Variants in MITF observed in about 807,000 individuals in gnomAD.
MITF encodes melanocyte inducing transcription factor.
MITF carries 17 observed loss-of-function variants against 60.5 expected under a neutral mutation model. The ratio of observed to expected loss-of-function variants is 0.28; its 90% confidence interval spans 0.19 to 0.42. MITF has a LOEUF of 0.42. MITF is among the 10% of genes least tolerant of loss of function. The pLI is 1.00. For missense variants in MITF, 622 were observed against 683.5 expected (o/e 0.91, Z 1.00); for synonymous variants, 260 against 248.5 (o/e 1.05, Z -0.43).
At chr3:69,745,460 G>A (rs1371934299) in intron 1 of MITF, among the ~76,000 whole-genome samples, 1 of 152,192 alleles carries the variant, frequency 6.6e-6, no homozygotes, top group Admixed American at 6.5e-5. Context: ...ACAGAGGAAG[G>A]GGAACTGGGG....
rs558671779 is a variant in MITF at position 69,771,237 on chromosome 3, G to A, written c.104+31536G>A. ...ACTTAAACCAACTGAAAGTTACTCCGTTTAAACATGGGTTTTTTTTTTTTT... is the reference window on the plus strand; with the variant it reads ...ACTTAAACCAACTGAAAGTTACTCCATTTAAACATGGGTTTTTTTTTTTTT... On this transcript the variant is annotated intron_variant, in intron 1 of 9. Transcript: ENST00000352241. Among the ~76,000 whole-genome samples the A allele has an allele frequency of 6.7e-5, 9 of 135,146 alleles. No homozygotes were observed. In the South Asian group the frequency reaches 6.9e-4, roughly 10 times the overall value. The allele number at this position is 135,146 out of a possible 152,430, so 88.7% of individuals were successfully genotyped here.
chr3:69,937,773 A>G lies in MITF; in HGVS notation c.355-49A>G, dbSNP rs753746748. On this transcript the variant is annotated intron_variant, in intron 2 of 9. Coordinates refer to ENST00000352241, the MANE Select transcript of MITF (RefSeq NM_001354604.2). ...GTGCCTGAAGGAAGAGCCGTCTGAA[A>G]CTCACAAATAACAGCGCTGTTTTCT... 5 of 1,515,904 alleles carry G rather than the reference A, an allele frequency of 3.3e-6. No homozygotes were observed. The Admixed American group carries it at 8.5e-5, about 26-fold the overall frequency. 93.9% of individuals were successfully genotyped at this position (1,515,904 alleles called of 1,614,324 possible). A position where few individuals can be genotyped will look rare whatever the true frequency, so the allele number is the denominator to read the frequency against.
At chr3:69,763,215 A>G (rs2106808461) in intron 1 of MITF, among the ~76,000 whole-genome samples, 1 of 152,334 alleles carries the variant, frequency 6.6e-6, no homozygotes, top group East Asian at 1.9e-4. Flanking sequence ...TTAAGTAGTA[A>G]TTGATGACAT....
intron 2 of MITF, among the ~76,000 whole-genome samples, chr3:69,899,782 G>C (rs1387336235): frequency 6.6e-6 from 1 of 152,060 alleles, no homozygotes; most frequent in African/African-American, 2.4e-5. Flanking sequence ...ATAACTTCAG[G>C]AGACATGAAT....
intron 9 of MITF, among the ~76,000 whole-genome samples, chr3:69,961,865 A>T (rs2066558266): frequency 2.6e-5 from 4 of 152,384 alleles, no homozygotes; most frequent in African/African-American, 2.4e-5. Context: ...ATGAAATACG[A>T]ATATTGTGAA....
At chr3:69,933,330 A>AG (rs1308868667) in intron 2 of MITF, among the ~76,000 whole-genome samples, 1 of 152,122 alleles carries the variant, frequency 6.6e-6, no homozygotes, top group Non-Finnish European at 1.5e-5. Context: ...TCCCCAGTAA[A>AG]TTCTGTTGTC....
chr3:69,759,288 C>T (rs2062176574), intron 1 of MITF, among the ~76,000 whole-genome samples: 1 of 152,164 alleles, frequency 6.6e-6, no homozygotes, highest in Non-Finnish European at 1.5e-5. Context: ...GACTTAGGAA[C>T]ACTAGACAGC....
chr3:69,779,087 G>A (rs2062522063), intron 1 of MITF: 1 of 152,176 alleles, frequency 6.6e-6, no homozygotes, highest in Non-Finnish European at 1.5e-5. Context: ...TTTGTCCTTT[G>A]CTGCAGTTTA....
chr3:69,831,978 C>T (rs9876482), intron 1 of MITF, among the ~76,000 whole-genome samples: 76,073 of 151,950 alleles, frequency 0.5, 20,758 homozygotes, highest in Non-Finnish European at 0.63. Flanking sequence ...GCCAGTCTCC[C>T]GGAGCCGGTG....
At chr3:69,841,558 G>A (rs2063637006) in intron 1 of MITF, among the ~76,000 whole-genome samples, 1 of 152,218 alleles carries the variant, frequency 6.6e-6, no homozygotes, top group Non-Finnish European at 1.5e-5. Flanking sequence ...GGTTGCAGCT[G>A]TGCCAAATTT....
chr3:69,776,340 TA>T (rs2062472521), intron 1 of MITF, among the ~76,000 whole-genome samples: 2 of 152,200 alleles, frequency 1.3e-5, no homozygotes, highest in Admixed American at 1.3e-4. Flanking sequence ...AGGTAGGGGA[TA>T]GTACACTACA....
chr3:69,755,509 A>G lies in MITF; in HGVS notation c.104+15808A>G, dbSNP rs1340134028. Among the ~76,000 whole-genome samples the G allele has an allele frequency of 5.1e-5, 6 of 118,594 alleles. 1 individual carries two copies. The allele number at this position is 118,594 out of a possible 152,430, so 77.8% of individuals were successfully genotyped here. On this transcript the variant is annotated intron_variant, in intron 1 of 9. Transcript: ENST00000352241. ...ATATAGCCACTTTAGAGACTAGGAT[A>G]TAAGTTTTCAAGGGTTTTTTCTTTC...
intron 2 of MITF, among the ~76,000 whole-genome samples, chr3:69,916,514 C>T (rs908501857): frequency 1.3e-5 from 2 of 151,978 alleles, no homozygotes; most frequent in Non-Finnish European, 2.9e-5. Flanking sequence ...TTTACAAGTT[C>T]GGAATTGAGT....
At chr3:69,792,998 CTTTTTTTTTTTTT>C (rs58440406) in intron 1 of MITF, among the ~76,000 whole-genome samples, 85 of 31,104 alleles carry the variant, frequency 2.7e-3, no homozygotes, top group East Asian at 0.015. Context: ...AAGTCTTTAG[CTTTTTTTTTTTTT>C]TTTTTTTTTT....
At chr3:69,938,400 G>T (rs1453132236) in intron 3 of MITF, 2 of 1,554,902 alleles carry the variant, frequency 1.3e-6, no homozygotes, top group Non-Finnish European at 1.7e-6. Context: ...AGGTGGAAAA[G>T]GAAAAGCAAA....
intron 1 of MITF, among the ~76,000 whole-genome samples, chr3:69,787,001 G>A (rs2062660527): frequency 6.6e-6 from 1 of 152,130 alleles, no homozygotes; most frequent in African/African-American, 2.4e-5. Context: ...TTAGAGTGTT[G>A]CTGGTTCCAC....
rs1030571230 is a variant in MITF, at chr3:69,804,116, C to A, written c.104+64415C>A. ...AACAGTTTAATTGTATATGAAATGT[C>A]TAAATAGTTTAATTCTTTGACTCAT... On this transcript the variant is annotated intron_variant, in intron 1 of 9. Transcript: ENST00000352241. 2.8e-4 allele frequency among the ~76,000 whole-genome samples: 42 copies of A among 152,254 alleles called. 1 individual carries two copies. Among genetic ancestry groups the A allele is most frequent in the African/African-American group, 1.0e-3 (42 of 41,554 alleles).
chr3:69,791,246 C>T (rs2062735488), intron 1 of MITF, among the ~76,000 whole-genome samples: 1 of 152,082 alleles, frequency 6.6e-6, no homozygotes, highest in South Asian at 2.1e-4. Context: ...ACTTGCAGTC[C>T]CTGAGGGGGA....
chr3:69,943,555 A>G (rs2066020910), intron 5 of MITF, among the ~76,000 whole-genome samples: 1 of 152,114 alleles, frequency 6.6e-6, no homozygotes. Flanking sequence ...AGTATAACTT[A>G]TTAATTATAA....
Sources: allele counts gnomAD v4.1 joint callset (sites outside exome capture counted in the v4.1 genomes callset), GRCh38; gene constraint gnomAD v4.1.1; transcripts MANE v1.5; gene names NCBI Gene and HGNC (gene_info 2026-07-23, HGNC 2026-07-21).